The following DSCAM variants were observed in gnomAD, a reference collection of about 807,000 sequenced individuals.
The protein encoded by DSCAM is cell adhesion molecule DSCAM.
In DSCAM, 47 loss-of-function variants were observed where a neutral mutation model predicts 217.7. The observed-to-expected ratio is 0.22, with a 90% CI of 0.17 to 0.28. The LOEUF (loss-of-function observed/expected upper bound fraction) is 0.28. Ranked by LOEUF, DSCAM falls within the 10% of genes least tolerant of loss-of-function variation. The pLI, the probability that DSCAM is intolerant of heterozygous loss-of-function variation, is 1.00. For missense variants in DSCAM, 2,080 were observed against 2,618.3 expected (o/e 0.79, Z 4.49); for synonymous variants, 1,056 against 1,015.3 (o/e 1.04, Z -0.76).
chr21:40,166,178 T>A (rs2146770802), intron 16 of DSCAM, among the ~76,000 whole-genome samples: 1 of 151,746 alleles, frequency 6.6e-6, no homozygotes, highest in Middle Eastern at 3.4e-3. Context: ...AAACAAACAA[T>A]CAAACAAACA....
intron 3 of DSCAM, among the ~76,000 whole-genome samples, chr21:40,480,343 G>C (rs948176006): frequency 2.6e-5 from 4 of 152,068 alleles, no homozygotes; most frequent in Admixed American, 6.5e-5. Flanking sequence ...TTAGGGAAGA[G>C]AGAGTATTGC....
intron 3 of DSCAM, among the ~76,000 whole-genome samples, chr21:40,438,764 C>T (rs997106427): frequency 6.6e-6 from 1 of 152,148 alleles, no homozygotes; most frequent in Non-Finnish European, 1.5e-5. Flanking sequence ...TGAAAAACAG[C>T]AGACCTTTCA....
intron 20 of DSCAM, among the ~76,000 whole-genome samples, chr21:40,122,544 C>G (rs1258403805): frequency 6.6e-6 from 1 of 152,124 alleles, no homozygotes; most frequent in Non-Finnish European, 1.5e-5. Flanking sequence ...CAGTGATAAG[C>G]AGAAAAGCAG....
chr21:40,388,561 T>C (rs2075106963), intron 3 of DSCAM, among the ~76,000 whole-genome samples: 1 of 152,202 alleles, frequency 6.6e-6, no homozygotes, highest in Admixed American at 6.5e-5. Flanking sequence ...CCTTGCTCTT[T>C]ACAGTTTCCA....
Position 40,556,420 on chromosome 21 carries a change from T to C in DSCAM, c.508+136390A>G, listed in dbSNP as rs1366038860. 2.6e-5 allele frequency among the ~76,000 whole-genome samples: 4 copies of C among 152,158 alleles called. No individual in the cohort carries two copies. The South Asian group carries it at 6.2e-4, about 24-fold the overall frequency. On this transcript the variant is annotated intron_variant, in intron 3 of 32. Coordinates refer to ENST00000400454, the MANE Select transcript of DSCAM (RefSeq NM_001389.5). ...AGAGAAAAAAACGTTATTAAGAAAATTGTAAGGAAGAGAAAATATACTACT... is the reference window on the plus strand; with the variant it reads ...AGAGAAAAAAACGTTATTAAGAAAACTGTAAGGAAGAGAAAATATACTACT...
At chr21:40,062,923 G>A in intron 27 of DSCAM, 24 bp from the exon 28 acceptor site, 3 of 1,588,104 alleles carry the variant, frequency 1.9e-6, no homozygotes, top group Non-Finnish European at 2.6e-6. Context: ...GTTAACATTA[G>A]TACATGGTAA....
chr21:40,190,399 T>A (rs992899982), intron 11 of DSCAM, among the ~76,000 whole-genome samples: 2 of 152,116 alleles, frequency 1.3e-5, no homozygotes, highest in Non-Finnish European at 2.9e-5. Context: ...ATAATGGCGG[T>A]GCTTTGACTA....
At chr21:40,273,831 G>A (rs541557700) in intron 11 of DSCAM, among the ~76,000 whole-genome samples, 3 of 152,188 alleles carry the variant, frequency 2.0e-5, no homozygotes, top group Non-Finnish European at 4.4e-5. Flanking sequence ...GAACAGGAGA[G>A]CTCTCTGGGG....
At chr21:40,266,647 A>ATATATATATATATATT (rs1555896567) in intron 11 of DSCAM, among the ~76,000 whole-genome samples, 37 of 116,156 alleles carry the variant, frequency 3.2e-4, no homozygotes, top group African/African-American at 1.1e-3. Flanking sequence ...ATATATATAT[A>ATATATATATATATATT]TATATATATA....
intron 8 of DSCAM, among the ~76,000 whole-genome samples, chr21:40,320,684 T>G (rs4818127): frequency 0.59 from 89,097 of 152,030 alleles, 27,188 homozygotes; most frequent in African/African-American, 0.75. Context: ...ATGGATGGCA[T>G]CAGGCAAAGA....
intron 3 of DSCAM, among the ~76,000 whole-genome samples, chr21:40,510,793 T>A (rs956148820): frequency 1.3e-5 from 2 of 152,216 alleles, no homozygotes; most frequent in Admixed American, 1.3e-4. Context: ...GTCTGTAAGT[T>A]ACATAGTAAA....
intron 3 of DSCAM, among the ~76,000 whole-genome samples, chr21:40,504,566 A>AT (rs2076195392): frequency 1.3e-5 from 2 of 152,196 alleles, no homozygotes; most frequent in Admixed American, 6.5e-5. Flanking sequence ...AGAAAGCAAA[A>AT]TAAAAAAAGA....
intron 11 of DSCAM, among the ~76,000 whole-genome samples, chr21:40,214,218 C>T (rs980337673): frequency 2.0e-5 from 3 of 152,210 alleles, no homozygotes; most frequent in African/African-American, 4.8e-5. Flanking sequence ...TATCAGCCAG[C>T]CTGGCCACTT....
At chr21:40,498,383 T>C (rs558018211) in intron 3 of DSCAM, among the ~76,000 whole-genome samples, 1 of 151,770 alleles carries the variant, frequency 6.6e-6, no homozygotes, top group East Asian at 2.0e-4. Context: ...GCAATGCGTA[T>C]AAAAAACCAC....
At chr21:40,452,274 C>CACACACA (rs1239636245) in intron 3 of DSCAM, among the ~76,000 whole-genome samples, 19 of 86,448 alleles carry the variant, frequency 2.2e-4, no homozygotes, top group Non-Finnish European at 4.1e-4. Flanking sequence ...ACACAGGTAT[C>CACACACA]CTGGAGGTAT....
At chr21:40,454,783 C>A (rs572349915) in intron 3 of DSCAM, among the ~76,000 whole-genome samples, 73 of 152,264 alleles carry the variant, frequency 4.8e-4, no homozygotes, top group Non-Finnish European at 7.8e-4. Context: ...ATGGCTTAAT[C>A]ACAGACTTTG....
chr21:40,275,009 C>T (rs1221313453), intron 11 of DSCAM, among the ~76,000 whole-genome samples: 1 of 151,728 alleles, frequency 6.6e-6, no homozygotes, highest in African/African-American at 2.4e-5. Flanking sequence ...CTATCCATAG[C>T]AGAATTAAAG....
At chr21:40,113,281 C>T (rs1248144568) in intron 20 of DSCAM, among the ~76,000 whole-genome samples, 2 of 152,084 alleles carry the variant, frequency 1.3e-5, no homozygotes, top group Non-Finnish European at 2.9e-5. Context: ...TAAACGTAAT[C>T]CAGCATATAA....
intron 29 of DSCAM, among the ~76,000 whole-genome samples, chr21:40,052,337 G>C (rs2088947241): frequency 6.6e-6 from 1 of 152,204 alleles, no homozygotes; most frequent in Non-Finnish European, 1.5e-5. Context: ...AATGAGCTAA[G>C]AAGAACCATG....
Sources: allele counts gnomAD v4.1 joint callset (sites outside exome capture counted in the v4.1 genomes callset), GRCh38; gene constraint gnomAD v4.1.1; transcripts MANE v1.5; gene names NCBI Gene and HGNC (gene_info 2026-07-23, HGNC 2026-07-21).